Variants in COL11A1 observed in about 807,000 individuals in gnomAD.
The protein encoded by COL11A1 is collagen type XI alpha 1 chain, also known as collagen alpha-1(XI) chain.
COL11A1 carries 74 observed loss-of-function variants against 265.2 expected under a neutral mutation model. That is an observed-to-expected ratio of 0.28 (90% CI 0.23 to 0.34). The LOEUF is 0.34. Ranked by LOEUF, COL11A1 falls within the 10% of genes least tolerant of loss-of-function variation. The probability of loss-of-function intolerance (pLI) is 1.00; values close to 1 mark genes in which losing one functional copy is unlikely to be tolerated. For missense variants in COL11A1, 2,165 were observed against 2,263.6 expected (o/e 0.96, Z 0.88); for synonymous variants, 816 against 727.6 (o/e 1.12, Z -1.96).
At chr1:102,960,393 C>A in intron 41 of COL11A1, among the ~76,000 whole-genome samples, 1 of 151,968 alleles carries the variant, frequency 6.6e-6, no homozygotes, top group East Asian at 1.9e-4. Flanking sequence ...CAAAATAATA[C>A]TGGTAACTCA....
intron 35 of COL11A1, among the ~76,000 whole-genome samples, chr1:102,976,536 T>C (rs2622842): frequency 0.062 from 9,437 of 151,960 alleles, 603 homozygotes; most frequent in African/African-American, 0.16. Flanking sequence ...TGACCTCAGG[T>C]AATCTGCCCA....
intron 7 of COL11A1, 126 bp from the exon 8 acceptor site, chr1:103,023,122 T>G: frequency 1.1e-6 from 1 of 906,972 alleles, no homozygotes; most frequent in Non-Finnish European, 1.8e-6. Context: ...CAAGCAACTC[T>G]AAACACCTGG....
At chr1:102,967,111 T>G (rs1661473135) in intron 37 of COL11A1, among the ~76,000 whole-genome samples, 1 of 152,026 alleles carries the variant, frequency 6.6e-6, no homozygotes, top group African/African-American at 2.4e-5. Context: ...AGTAGACCTG[T>G]CTTATTCAAA....
intron 2 of COL11A1, among the ~76,000 whole-genome samples, chr1:103,081,403 G>A (rs1228415606): frequency 1.3e-5 from 2 of 151,738 alleles, no homozygotes; most frequent in Non-Finnish European, 3.0e-5. Context: ...AATAGAAAAA[G>A]CAGCTTACCT....
intron 4 of COL11A1, among the ~76,000 whole-genome samples, chr1:103,045,333 A>C (rs1048696083): frequency 1.3e-5 from 2 of 152,208 alleles, no homozygotes; most frequent in Non-Finnish European, 2.9e-5. Context: ...GCTACTTGAA[A>C]GAAATAGACT....
chr1:102,966,315 A>G (rs1437626940), intron 37 of COL11A1, among the ~76,000 whole-genome samples: 4 of 152,174 alleles, frequency 2.6e-5, no homozygotes, highest in African/African-American at 9.7e-5. Context: ...AAGTTTCGAA[A>G]GAACTGAATA....
intron 5 of COL11A1, among the ~76,000 whole-genome samples, chr1:103,026,610 A>T (rs1557965182): frequency 6.7e-6 from 1 of 150,164 alleles, no homozygotes; most frequent in Non-Finnish European, 1.5e-5. Context: ...TTAATTATGG[A>T]ATGTTAATTG....
At chr1:103,107,315 C>T (rs970863590) in intron 1 of COL11A1, among the ~76,000 whole-genome samples, 5 of 151,736 alleles carry the variant, frequency 3.3e-5, no homozygotes, top group African/African-American at 1.2e-4. Flanking sequence ...TCCGCCCCCA[C>T]CCCATTTGCT....
At chr1:103,089,293 G>A (rs190164662) in intron 1 of COL11A1, among the ~76,000 whole-genome samples, 32 of 152,302 alleles carry the variant, frequency 2.1e-4, no homozygotes, top group African/African-American at 7.2e-4. Context: ...GTAAACCTAA[G>A]CATGACTTAT....
At chr1:102,970,622 T>C (rs930029524) in intron 36 of COL11A1, among the ~76,000 whole-genome samples, 1 of 152,162 alleles carries the variant, frequency 6.6e-6, no homozygotes, top group Non-Finnish European at 1.5e-5. Context: ...TTTCCCCCTT[T>C]TTGGTGATTT....
At chr1:103,094,175 T>C (rs1037771974) in intron 1 of COL11A1, among the ~76,000 whole-genome samples, 2 of 151,970 alleles carry the variant, frequency 1.3e-5, no homozygotes, top group Non-Finnish European at 2.9e-5. Context: ...AAGATATGGA[T>C]CTTGGAAAAA....
chr1:102,979,214 T>C, intron 32 of COL11A1, 110 bp from the exon 33 acceptor site: 1 of 1,294,516 alleles, frequency 7.7e-7, no homozygotes, highest in Non-Finnish European at 1.1e-6. Flanking sequence ...CATTCATTCG[T>C]ATTCATTTAG....
chr1:102,975,942 A>G (rs1662423014), intron 35 of COL11A1, among the ~76,000 whole-genome samples: 1 of 152,110 alleles, frequency 6.6e-6, no homozygotes, highest in Non-Finnish European at 1.5e-5. Context: ...AGTAACTTCA[A>G]AGTTATATAT....
At chr1:103,012,561 T>C (rs1279521038) in intron 13 of COL11A1, 92 bp from the exon 14 acceptor site, 3 of 914,190 alleles carry the variant, frequency 3.3e-6, no homozygotes, top group Non-Finnish European at 5.4e-6. Flanking sequence ...CCTTAAGTAA[T>C]ACATGATCAA....
At chr1:102,896,223 A>G (rs926270064) in intron 57 of COL11A1, among the ~76,000 whole-genome samples, 1 of 152,086 alleles carries the variant, frequency 6.6e-6, no homozygotes, top group African/African-American at 2.4e-5. Context: ...AAAAAAAAAA[A>G]AAAGGTAATG....
chr1:102,902,279 G>C (rs1054528936), intron 54 of COL11A1, among the ~76,000 whole-genome samples: 1 of 152,148 alleles, frequency 6.6e-6, no homozygotes, highest in Non-Finnish European at 1.5e-5. Context: ...GTGGTGACTT[G>C]AGAGTTAGGG....
intron 24 of COL11A1, among the ~76,000 whole-genome samples, 164 bp from the exon 25 acceptor site, chr1:102,998,527 G>A (rs1664840828): frequency 6.6e-6 from 1 of 151,892 alleles, no homozygotes; most frequent in South Asian, 2.1e-4. Context: ...GAAATGCCAT[G>A]TAAAGATAAA....
chr1:103,048,772 A>G (rs6698432), intron 4 of COL11A1, among the ~76,000 whole-genome samples: 149,183 of 152,264 alleles, frequency 0.98, 73,158 homozygotes, highest in East Asian at 1. Flanking sequence ...TGCTTTGAAT[A>G]TGTCCTAGAG....
At chr1:103,102,939 C>T (rs1439141627) in intron 1 of COL11A1, among the ~76,000 whole-genome samples, 5 of 151,982 alleles carry the variant, frequency 3.3e-5, no homozygotes, top group Non-Finnish European at 7.4e-5. Flanking sequence ...TCCCTTACAT[C>T]CCTGCAATTT....
Sources: gnomAD v4.1 joint callset for allele counts (sites outside exome capture counted in the v4.1 genomes callset) on GRCh38, gnomAD v4.1.1 for gene constraint, MANE v1.5 for transcripts, NCBI Gene and HGNC (gene_info 2026-07-23, HGNC 2026-07-21) for gene names.